Variants in GNA12 observed in about 807,000 individuals in gnomAD.
GNA12 encodes the protein guanine nucleotide-binding protein subunit alpha-12.
In GNA12, 9 loss-of-function variants were observed where a neutral mutation model predicts 26.0. The observed-to-expected ratio is 0.35, with a 90% CI of 0.21 to 0.60. The LOEUF (loss-of-function observed/expected upper bound fraction) is 0.60, where lower values mean the gene tolerates loss of function less well. GNA12 is among the 20% of genes least tolerant of loss of function. The pLI is 0.78. For missense variants in GNA12, 405 were observed against 525.8 expected (o/e 0.77, Z 2.25); for synonymous variants, 264 against 219.6 (o/e 1.20, Z -1.79).
intron 1 of GNA12, among the ~76,000 whole-genome samples, chr7:2,840,073 T>C (rs1336185606): frequency 4.6e-5 from 7 of 152,130 alleles, no homozygotes; most frequent in Non-Finnish European, 1.0e-4. Context: ...AAGAGCAACA[T>C]GAAGGGTCCT....
At chr7:2,774,565 T>C (rs941174511) in intron 2 of GNA12, among the ~76,000 whole-genome samples, 5 of 152,134 alleles carry the variant, frequency 3.3e-5, no homozygotes, top group African/African-American at 4.8e-5. Flanking sequence ...GAGCAGGAGA[T>C]GGGCTTGCCG....
At chr7:2,750,108 C>A (rs898019529) in intron 2 of GNA12, among the ~76,000 whole-genome samples, 5 of 152,182 alleles carry the variant, frequency 3.3e-5, no homozygotes, top group Admixed American at 1.3e-4. Context: ...ATACCACACA[C>A]TTCTGAATAA....
rs1378247957 is a variant in GNA12, at chr7:2,777,511, G to C, written c.525+17417C>G. Among the ~76,000 whole-genome samples the C allele has an allele frequency of 2.6e-5, 4 of 152,190 alleles. No individual in the cohort carries two copies. The South Asian group carries it at 6.2e-4, about 24-fold the overall frequency. On this transcript the variant is annotated intron_variant, in intron 2 of 3. Coordinates refer to ENST00000275364, the MANE Select transcript of GNA12 (RefSeq NM_007353.3). ...CCAGTGGGATGGTATCTGGAGGTGG[G>C]GTCTTTGGGAGGTGATTAGGGTTAG... is the stretch of plus-strand genomic sequence containing the variant.
chr7:2,733,527 G>C (rs763080432), intron 2 of GNA12, 26 bp from the exon 3 acceptor site: 5 of 1,594,570 alleles, frequency 3.1e-6, no homozygotes, highest in African/African-American at 1.3e-5. Flanking sequence ...AATATTCACA[G>C]CTCAGTCTGG....
chr7:2,821,665 C>G (rs1226400733), intron 1 of GNA12, among the ~76,000 whole-genome samples: 1 of 152,186 alleles, frequency 6.6e-6, no homozygotes, highest in Non-Finnish European at 1.5e-5. Flanking sequence ...CCTCGTTTTC[C>G]TCCACCTTAG....
At chr7:2,802,678 A>C (rs1389440820) in intron 1 of GNA12, among the ~76,000 whole-genome samples, 1 of 152,188 alleles carries the variant, frequency 6.6e-6, no homozygotes, top group East Asian at 1.9e-4. Flanking sequence ...GGACTTGGAA[A>C]GCTCTGTTTT....
chr7:2,762,760 C>A, intron 2 of GNA12: 1 of 1,550,028 alleles, frequency 6.5e-7, no homozygotes, highest in Non-Finnish European at 8.7e-7. Flanking sequence ...GCACCAGGCC[C>A]GTCCTTTCCA....
intron 1 of GNA12, among the ~76,000 whole-genome samples, chr7:2,820,034 C>T (rs536415498): frequency 6.6e-6 from 1 of 152,304 alleles, no homozygotes; most frequent in South Asian, 2.1e-4. Context: ...GAATGCTATT[C>T]GGCCGCTTAG....
chr7:2,809,204 G>C (rs1004825901), intron 1 of GNA12, among the ~76,000 whole-genome samples: 1 of 152,088 alleles, frequency 6.6e-6, no homozygotes, highest in African/African-American at 2.4e-5. Context: ...ACAGGGCTCT[G>C]CTCTGTTCAC....
chr7:2,825,808 TGA>T (rs1479142862), intron 1 of GNA12, among the ~76,000 whole-genome samples: 1 of 152,138 alleles, frequency 6.6e-6, no homozygotes, highest in Non-Finnish European at 1.5e-5. Flanking sequence ...CTGCGGCAGC[TGA>T]AGAGAACAAG....
intron 1 of GNA12, among the ~76,000 whole-genome samples, chr7:2,822,944 A>G (rs960464129): frequency 1.3e-5 from 2 of 152,278 alleles, no homozygotes; most frequent in Admixed American, 6.5e-5. Flanking sequence ...CCCTAGATTC[A>G]CTATCAGTCC....
intron 2 of GNA12, among the ~76,000 whole-genome samples, chr7:2,742,625 A>C (rs1033002808): frequency 3.3e-5 from 5 of 152,176 alleles, no homozygotes; most frequent in Non-Finnish European, 7.3e-5. Flanking sequence ...TATTAGTTCT[A>C]AAGTCAGCTG....
intron 3 of GNA12, 41 bp downstream of exon 3, chr7:2,733,410 A>G (rs1583205556): frequency 1.3e-6 from 2 of 1,587,616 alleles, no homozygotes; most frequent in Non-Finnish European, 1.7e-6. Flanking sequence ...ACGTTTTCTA[A>G]CCCTGGAGCC....
At chr7:2,802,051 C>G (rs1792822102) in intron 1 of GNA12, among the ~76,000 whole-genome samples, 1 of 152,078 alleles carries the variant, frequency 6.6e-6, no homozygotes, top group Non-Finnish European at 1.5e-5. Flanking sequence ...CAATGAAAGA[C>G]CAATTTTCTA....
intron 1 of GNA12, among the ~76,000 whole-genome samples, chr7:2,833,791 C>T (rs557357092): frequency 1.2e-4 from 19 of 152,218 alleles, no homozygotes; most frequent in Non-Finnish European, 2.1e-4. Flanking sequence ...CACGCAAACC[C>T]GCCGCAGCAT....
rs58695207 is a variant in GNA12 at position 2,809,515 on chromosome 7, G to GA, written c.310-14373dup. On this transcript the variant is annotated intron_variant, in intron 1 of 3. Coordinates refer to ENST00000275364, the MANE Select transcript of GNA12 (RefSeq NM_007353.3). ...ATAAATATTGCCCCATACTTTATTT[G>GA]AAAAAAAAATTAGTTGTACAATGGA... 6.8e-3 allele frequency among the ~76,000 whole-genome samples: 1,025 copies of GA among 151,008 alleles called. 12 individuals are homozygous for GA. The highest frequency in any genetic ancestry group is 0.023 in the African/African-American group (965 of 41,174).
chr7:2,728,305 T>C lies in GNA12; in HGVS notation c.*2876A>G, dbSNP rs798533. Reference sequence around the variant, plus strand: ...GTTAGATGTCTGTGCCCAGAACCCCTAAATTAGTTACAACTAATAATCTTC... The same window carrying C: ...GTTAGATGTCTGTGCCCAGAACCCCCAAATTAGTTACAACTAATAATCTTC... On this transcript the variant is annotated 3_prime_UTR_variant, in exon 4 of 4. Coordinates refer to ENST00000275364, the MANE Select transcript of GNA12 (RefSeq NM_007353.3). 107,255 of 152,068 alleles carry C rather than the reference T, an allele frequency of 0.71. 38,192 individuals carry two copies. The highest frequency in any genetic ancestry group is 0.72 in the Non-Finnish European group (48,863 of 67,948). 9.4% of individuals were successfully genotyped at this position (152,068 alleles called of 1,614,324 possible). A position where few individuals can be genotyped will look rare whatever the true frequency, so the allele number is the denominator to read the frequency against.
chr7:2,768,831 C>G (rs1463982346), intron 2 of GNA12, among the ~76,000 whole-genome samples: 2 of 152,180 alleles, frequency 1.3e-5, no homozygotes, highest in South Asian at 2.1e-4. Flanking sequence ...GTGGAGAAAT[C>G]TACACTTTAA....
intron 2 of GNA12, among the ~76,000 whole-genome samples, chr7:2,788,105 G>A (rs1792411376): frequency 6.6e-6 from 1 of 151,946 alleles, no homozygotes; most frequent in South Asian, 2.1e-4. Flanking sequence ...AGTGAGCTGA[G>A]ATTGTGCCAC....
Sources: allele counts gnomAD v4.1 joint callset (sites outside exome capture counted in the v4.1 genomes callset), GRCh38; gene constraint gnomAD v4.1.1; transcripts MANE v1.5; gene names NCBI Gene and HGNC (gene_info 2026-07-23, HGNC 2026-07-21).